The following KRABD3 variants were observed in gnomAD, a reference collection of about 807,000 sequenced individuals.
KRABD3 encodes KRAB domain-containing protein 3.
the KRABD3 span, chr7:149,728,581 T>TGTGCCTGTGCTGCGGC: frequency 6.2e-7 from 1 of 1,613,750 alleles, no homozygotes; most frequent in Non-Finnish European, 8.5e-7. Context: ...AGGAGATACC[T>TGTGCCTGTGCTGCGGC]GTGCCTGTGC....
the KRABD3 span, chr7:149,722,578 G>A: frequency 6.2e-7 from 1 of 1,600,080 alleles, no homozygotes; most frequent in African/African-American, 1.3e-5. Flanking sequence ...TTCCTTAGTG[G>A]GGTAGCGATG....
the KRABD3 span, chr7:149,723,726 T>A: frequency 6.5e-7 from 1 of 1,533,934 alleles, no homozygotes; most frequent in Non-Finnish European, 8.7e-7. Flanking sequence ...ATGTTCCTTT[T>A]TCCTTAGTGA....
the KRABD3 span, chr7:149,734,272 A>T: frequency 6.8e-6 from 4 of 584,144 alleles, no homozygotes; most frequent in Non-Finnish European, 1.2e-5. Context: ...CTTGGCTCAG[A>T]TTCAATCAAA....
the KRABD3 span, chr7:149,734,026 C>T: frequency 5.6e-6 from 9 of 1,607,678 alleles, no homozygotes; most frequent in Non-Finnish European, 7.6e-6. Flanking sequence ...AGCACAGGGA[C>T]CCGAGATGGG....
chr7:149,722,578 G>C, the KRABD3 span: 8 of 1,600,080 alleles, frequency 5.0e-6, no homozygotes, highest in South Asian at 1.1e-5. Flanking sequence ...TTCCTTAGTG[G>C]GGTAGCGATG....
chr7:149,723,098 A>G, the KRABD3 span: 1 of 708,840 alleles, frequency 1.4e-6, no homozygotes, highest in Non-Finnish European at 2.2e-6. Flanking sequence ...TTCTGGAGCC[A>G]GGTGGCTCTC....
the KRABD3 span, chr7:149,719,750 C>A: frequency 2.0e-6 from 3 of 1,485,806 alleles, no homozygotes; most frequent in African/African-American, 1.4e-5. The surrounding 1 kb of genome is among the most constrained non-coding windows in gnomAD (Gnocchi z 5.6). Context: ...CTGGACCCGG[C>A]AGCCTTAGTC....
the KRABD3 span, chr7:149,731,815 A>G: frequency 1.3e-6 from 2 of 1,490,160 alleles, no homozygotes; most frequent in East Asian, 4.8e-5. Flanking sequence ...TGCACGGGCC[A>G]GGACCCAGAG....
the KRABD3 span, among the ~76,000 whole-genome samples, chr7:149,717,712 A>G: frequency 6.6e-6 from 1 of 151,390 alleles, no homozygotes; most frequent in Non-Finnish European, 1.5e-5. Flanking sequence ...CAGCCTGGCC[A>G]GAGGGGAGCA....
At chr7:149,720,533 G>A in the KRABD3 span, among the ~76,000 whole-genome samples, 1 of 152,262 alleles carries the variant, frequency 6.6e-6, no homozygotes, top group Non-Finnish European at 1.5e-5. Context: ...GGGCCCAGAT[G>A]GTGGAAGAAG....
chr7:149,724,317 C>A, the KRABD3 span, among the ~76,000 whole-genome samples: 7 of 152,306 alleles, frequency 4.6e-5, no homozygotes, highest in South Asian at 1.4e-3. Context: ...CCGTGCATGT[C>A]ACCTCAGCTT....
At chr7:149,722,809 C>T in the KRABD3 span, 2 of 1,609,712 alleles carry the variant, frequency 1.2e-6, no homozygotes, top group African/African-American at 1.3e-5. Context: ...CAGCCCCTTG[C>T]AAGGCCTCAT....
the KRABD3 span, chr7:149,725,167 A>G: frequency 3.8e-6 from 3 of 788,986 alleles, no homozygotes; most frequent in East Asian, 2.8e-5. Context: ...AGTCTCCCAC[A>G]GAAGGGTTTC....
chr7:149,721,661 C>A, the KRABD3 span: 32 of 1,088,584 alleles, frequency 2.9e-5, no homozygotes, highest in Non-Finnish European at 4.2e-5. Flanking sequence ...TTGTGCTGTT[C>A]TTTTGTTAAC....
At chr7:149,721,994 A>G in the KRABD3 span, 1 of 369,870 alleles carries the variant, frequency 2.7e-6, no homozygotes, top group South Asian at 2.2e-5. Context: ...TTTTATAAAA[A>G]AGTACTTCAA....
the KRABD3 span, among the ~76,000 whole-genome samples, chr7:149,717,400 G>A: frequency 3.3e-5 from 5 of 152,376 alleles, no homozygotes; most frequent in East Asian, 9.6e-4. Flanking sequence ...AAGGACAGCG[G>A]TCTAGGGCTG....
chr7:149,723,987 C>A, the KRABD3 span: 1 of 1,335,444 alleles, frequency 7.5e-7, no homozygotes, highest in East Asian at 2.3e-5. Context: ...ACACTCAGGC[C>A]CCCATATTGG....
chr7:149,729,433 A>G, the KRABD3 span: 1 of 1,309,918 alleles, frequency 7.6e-7, no homozygotes, highest in Non-Finnish European at 9.8e-7. Flanking sequence ...TGACAAGGAA[A>G]TAGACTTCCC....
the KRABD3 span, chr7:149,723,013 G>A: frequency 1.2e-5 from 16 of 1,331,894 alleles, no homozygotes; most frequent in South Asian, 1.0e-4. Flanking sequence ...TTTCAACAGC[G>A]ATTCCTCCTG....
Sources: allele counts gnomAD v4.1 joint callset (sites outside exome capture counted in the v4.1 genomes callset), GRCh38; gene constraint gnomAD v4.1.1; non-coding constraint Gnocchi (gnomAD v3.1); transcripts MANE v1.5; gene names NCBI Gene and HGNC (gene_info 2026-07-23, HGNC 2026-07-21).